The following BNC2 variants were observed in gnomAD, a reference collection of about 807,000 sequenced individuals.
The protein encoded by BNC2 is basonuclin zinc finger protein 2, also known as zinc finger protein basonuclin-2.
BNC2 carries 20 observed loss-of-function variants against 76.3 expected under a neutral mutation model. The ratio of observed to expected loss-of-function variants is 0.26; its 90% CI spans 0.18 to 0.38. The LOEUF (loss-of-function observed/expected upper bound fraction) is 0.38, where lower values mean the gene tolerates loss of function less well. Ranked by LOEUF, BNC2 falls within the 10% of genes least tolerant of loss-of-function variation. The pLI is 1.00. For synonymous variants in BNC2, 582 were observed against 514.8 expected (o/e 1.13, Z -1.77); for missense variants, 1,382 against 1,399.8 (o/e 0.99, Z 0.20).
At chr9:16,787,256 T>C (rs941209125) in intron 1 of BNC2, among the ~76,000 whole-genome samples, 8 of 152,206 alleles carry the variant, frequency 5.3e-5, no homozygotes, top group African/African-American at 1.9e-4. Context: ...CACCATCACC[T>C]GTGATCTTGA....
chr9:16,558,453 T>C (rs1377182910), intron 4 of BNC2, among the ~76,000 whole-genome samples: 1 of 152,216 alleles, frequency 6.6e-6, no homozygotes, highest in African/African-American at 2.4e-5. Flanking sequence ...GCTTTGAGGC[T>C]GGTACTATCC....
At chr9:16,575,163 T>C (rs1188009357) in intron 4 of BNC2, 4 of 585,276 alleles carry the variant, frequency 6.8e-6, no homozygotes, top group Non-Finnish European at 8.6e-6. Flanking sequence ...ATTATACAAC[T>C]TGGCAAGATT....
chr9:16,585,625 A>T (rs1399392802), intron 3 of BNC2, among the ~76,000 whole-genome samples: 1 of 152,222 alleles, frequency 6.6e-6, no homozygotes, highest in Admixed American at 6.5e-5. Context: ...CATTTTTGAA[A>T]CAGCATAAAA....
intron 3 of BNC2, among the ~76,000 whole-genome samples, chr9:16,609,031 C>T (rs1820463654): frequency 6.6e-6 from 1 of 152,084 alleles, no homozygotes; most frequent in Admixed American, 6.6e-5. Flanking sequence ...TTCTTTAGCA[C>T]CTAGAACACA....
At chr9:16,481,293 G>GCCCGAGCCAGCAGTGGCAA (rs1822050389) in intron 5 of BNC2, among the ~76,000 whole-genome samples, 2 of 152,060 alleles carry the variant, frequency 1.3e-5, no homozygotes, top group Non-Finnish European at 2.9e-5. Flanking sequence ...AAAGCAGGCT[G>GCCCGAGCCAGCAGTGGCAA]CCCGAGCCAG....
At chr9:16,478,102 G>A (rs949345879) in intron 5 of BNC2, among the ~76,000 whole-genome samples, 1 of 152,100 alleles carries the variant, frequency 6.6e-6, no homozygotes, top group Admixed American at 6.5e-5. Flanking sequence ...TTCATGGCTC[G>A]AACTGTTCTA....
chr9:16,497,618 TA>T (rs1280115528), intron 5 of BNC2, among the ~76,000 whole-genome samples: 1 of 152,016 alleles, frequency 6.6e-6, no homozygotes, highest in Non-Finnish European at 1.5e-5. Flanking sequence ...TAAACAAATA[TA>T]GGACTACAAG....
chr9:16,629,994 T>C (rs969306721), intron 3 of BNC2, among the ~76,000 whole-genome samples: 4 of 152,222 alleles, frequency 2.6e-5, no homozygotes, highest in Non-Finnish European at 5.9e-5. Flanking sequence ...ATGCTTTGGA[T>C]AGCATGTTAT....
chr9:16,813,019 G>A (rs560785266), intron 1 of BNC2, among the ~76,000 whole-genome samples: 1 of 152,122 alleles, frequency 6.6e-6, no homozygotes, highest in African/African-American at 2.4e-5. Context: ...GACCAGCCTG[G>A]CCAACATGGT....
At chr9:16,514,021 G>C (rs1339307105) in intron 5 of BNC2, among the ~76,000 whole-genome samples, 3 of 152,132 alleles carry the variant, frequency 2.0e-5, no homozygotes, top group Non-Finnish European at 4.4e-5. Context: ...AGATAAGCAG[G>C]AATCACCTAT....
At chr9:16,655,730 C>A (rs1486246731) in intron 3 of BNC2, among the ~76,000 whole-genome samples, 2 of 152,172 alleles carry the variant, frequency 1.3e-5, no homozygotes, top group Non-Finnish European at 2.9e-5. Context: ...CAAAGCAAAG[C>A]CTTTTATCAA....
intron 6 of BNC2, among the ~76,000 whole-genome samples, chr9:16,424,708 G>C (rs1820772349): frequency 6.6e-6 from 1 of 152,164 alleles, no homozygotes; most frequent in Non-Finnish European, 1.5e-5. Flanking sequence ...CTAGATGCTA[G>C]GGTTAAGTAC....
intron 3 of BNC2, among the ~76,000 whole-genome samples, chr9:16,639,363 A>C (rs547115559): frequency 5.9e-5 from 9 of 152,318 alleles, no homozygotes; most frequent in African/African-American, 2.2e-4. Context: ...ATCTAGAAAG[A>C]AGAAAAGCTC....
At chr9:16,751,656 A>ATATGTATATATAGGTGTG (rs1368349872) in intron 1 of BNC2, among the ~76,000 whole-genome samples, 1 of 64,598 alleles carries the variant, frequency 1.5e-5, no homozygotes, top group South Asian at 4.6e-4. Context: ...GTGTGTATAT[A>ATATGTATATATAGGTGTG]TATATGTATG....
chr9:16,818,974 T>C (rs1030454476), intron 1 of BNC2, among the ~76,000 whole-genome samples: 1 of 151,998 alleles, frequency 6.6e-6, no homozygotes, highest in African/African-American at 2.4e-5. Context: ...CTCAGAACCT[T>C]GGCAATAAAA....
chr9:16,525,997 G>A (rs1817788530), intron 5 of BNC2, among the ~76,000 whole-genome samples: 1 of 151,582 alleles, frequency 6.6e-6, no homozygotes, highest in Non-Finnish European at 1.5e-5. Flanking sequence ...AATACTTTTT[G>A]TTTCTTATTT....
chr9:16,460,488 T>C (rs750752444), intron 5 of BNC2, among the ~76,000 whole-genome samples: 3 of 152,064 alleles, frequency 2.0e-5, no homozygotes, highest in African/African-American at 7.2e-5. Context: ...CCAGGTGTGA[T>C]GGTGCAAGCC....
At position 16,499,533 on chromosome 9, in the gene BNC2, T is replaced by C. The variant is rs1475269782; in HGVS notation, c.669+52997A>G. ...CTCCCTAAATATCTTTTTTTTTCTTTTTTTTTTTTTTTTTGAGACAGAGTC... is the reference window on the plus strand; with the variant it reads ...CTCCCTAAATATCTTTTTTTTTCTTCTTTTTTTTTTTTTTGAGACAGAGTC... On this transcript the variant is annotated intron_variant, in intron 5 of 6. Transcript: ENST00000380672. Among the ~76,000 whole-genome samples, 1,171 of 134,746 alleles carry C rather than the reference T, an allele frequency of 8.7e-3. 16 individuals are homozygous for C. Among genetic ancestry groups the C allele is most frequent in the South Asian group, 0.049 (203 of 4,170 alleles). The allele number at this position is 134,746 out of a possible 152,430, so 88.4% of individuals were successfully genotyped here.
intron 5 of BNC2, among the ~76,000 whole-genome samples, chr9:16,442,091 A>T (rs1397048043): frequency 6.6e-6 from 1 of 152,202 alleles, no homozygotes; most frequent in East Asian, 1.9e-4. Context: ...ACCAGAGTAC[A>T]GTGACTTTTA....
Sources: allele counts gnomAD v4.1 joint callset (sites outside exome capture counted in the v4.1 genomes callset), GRCh38; gene constraint gnomAD v4.1.1; transcripts MANE v1.5; gene names NCBI Gene and HGNC (gene_info 2026-07-23, HGNC 2026-07-21).